Variants in TMEM87B observed in about 807,000 individuals in gnomAD.
The protein encoded by TMEM87B is transmembrane protein 87B.
Under a neutral mutation model 80.3 loss-of-function variants are expected in TMEM87B, and 83 were observed. That is an observed-to-expected ratio of 1.03 (90% confidence interval 0.87 to 1.24). The LOEUF is 1.24. Ranked by LOEUF, TMEM87B falls within the 50% of genes most tolerant of loss-of-function variation. TMEM87B has a pLI of 0.00. For synonymous variants in TMEM87B, 219 were observed against 230.5 expected, an observed-to-expected ratio of 0.95 and a Z score of 0.45; for missense variants, 625 against 674.4, an observed-to-expected ratio of 0.93 and a Z score of 0.81.
In TMEM87B at chr2:112,109,710, G is replaced by A. The variant is rs1251140609; in HGVS notation, c.1577+1870G>A. On this transcript the variant is annotated intron_variant, in intron 17 of 18. Coordinates refer to ENST00000283206, the MANE Select transcript of TMEM87B (RefSeq NM_032824.3). ...TTGTCTATCCTCCTTGGAATTTGTT[G>A]AGCTTCTCAGATCCATGTCCCATGG... is the stretch of plus-strand genomic sequence containing the variant. Among the ~76,000 whole-genome samples the A allele has an allele frequency of 1.4e-4, 10 of 69,414 alleles. No individual in the cohort carries two copies. In the South Asian group the frequency reaches 1.5e-3, roughly 11 times the overall value. 45.5% of individuals were successfully genotyped at this position (69,414 alleles called of 152,430 possible).
At chr2:112,107,712 TTA>T in intron 16 of TMEM87B, 74 bp from the exon 17 acceptor site, 31 of 732,914 alleles carry the variant, frequency 4.2e-5, no homozygotes, top group South Asian at 1.0e-4. Flanking sequence ...AACACTTAAG[TTA>T]TATATATATT....
chr2:112,072,317 C>A (rs1678664390), intron 4 of TMEM87B, among the ~76,000 whole-genome samples: 2 of 152,120 alleles, frequency 1.3e-5, no homozygotes, highest in African/African-American at 4.8e-5. Context: ...AGGAGTCCCT[C>A]CTCCTCAATT....
chr2:112,089,648 A>G lies in TMEM87B; in HGVS notation c.962A>G (p.His321Arg), dbSNP rs764363911. 8.1e-6 allele frequency: 13 copies of G among 1,613,962 alleles called. No homozygotes were observed. The highest frequency in any genetic ancestry group is 1.1e-5 in the Non-Finnish European group (13 of 1,179,984). ...AGGCCTCGTTTAGGAACAGTCATGCACCGGGTGATCGGACTGGGGCTTCTA... is the reference window on the plus strand; with the variant it reads ...AGGCCTCGTTTAGGAACAGTCATGCGCCGGGTGATCGGACTGGGGCTTCTA... ...IVKPRLGTVM[H>R]RVIGLGLLYL... The change falls in exon 10 of 19, where the codon CAC (histidine) becomes CGC (arginine). Residue 321 changes from histidine (H) to arginine (R), a missense_variant. Transcript: ENST00000283206.
intron 17 of TMEM87B, among the ~76,000 whole-genome samples, chr2:112,109,619 A>G (rs1200075970): frequency 2.2e-5 from 2 of 92,144 alleles, no homozygotes; most frequent in Non-Finnish European, 4.6e-5. Flanking sequence ...TTTTTCCTTT[A>G]TATTTGGCTT....
At chr2:112,056,865 A>G (rs1678087405) in intron 1 of TMEM87B, among the ~76,000 whole-genome samples, 1 of 152,140 alleles carries the variant, frequency 6.6e-6, no homozygotes, top group Non-Finnish European at 1.5e-5. Flanking sequence ...CCATTATTTA[A>G]TTTCCTGAAC....
rs1181348333 is a variant in TMEM87B, at chr2:112,055,563, G to C, written c.-29G>C. On this transcript the variant is annotated 5_prime_UTR_variant, in exon 1 of 19. Coordinates refer to ENST00000283206, the MANE Select transcript of TMEM87B (RefSeq NM_032824.3). ...CAGGTGCGGGTGTGGCAGGCGTCTC[G>C]GAGCGCCAGGTGCAGCTTCCTGGTC... The C allele has an allele frequency of 1.4e-6, 2 of 1,468,996 alleles. No individual in the cohort carries two copies. The highest frequency in any genetic ancestry group is 2.7e-5 in the South Asian group (2 of 74,080). The allele number at this position is 1,468,996 out of a possible 1,614,324, so 91.0% of individuals were successfully genotyped here.
chr2:112,078,835 G>T (rs564682243), intron 6 of TMEM87B, among the ~76,000 whole-genome samples: 1 of 152,292 alleles, frequency 6.6e-6, no homozygotes, highest in Non-Finnish European at 1.5e-5. Flanking sequence ...GGAAGATAAG[G>T]TCCCGGTGAG....
chr2:112,080,184 C>A (rs1184834061), intron 6 of TMEM87B, among the ~76,000 whole-genome samples: 1 of 151,956 alleles, frequency 6.6e-6, no homozygotes, highest in Non-Finnish European at 1.5e-5. Flanking sequence ...CCACCTTGGC[C>A]TCCCAAAGTG....
chr2:112,094,650 G>C (rs888056676), intron 11 of TMEM87B, among the ~76,000 whole-genome samples: 1 of 152,102 alleles, frequency 6.6e-6, no homozygotes, highest in Non-Finnish European at 1.5e-5. Context: ...AGTCAGATTG[G>C]GGTAGGAAAA....
At chr2:112,102,703 TAAATAA>T (rs1016126117) in intron 15 of TMEM87B, among the ~76,000 whole-genome samples, 10 of 146,238 alleles carry the variant, frequency 6.8e-5, no homozygotes, top group Non-Finnish European at 1.2e-4. Flanking sequence ...CATAAATAAA[TAAATAA>T]AAATAAAAAT....
chr2:112,055,611 C>G lies in TMEM87B; in HGVS notation c.20C>G (p.Ser7Trp). Residue 7 changes from serine to tryptophan, a missense_variant, in exon 1 of 19, where the codon TCG (serine) becomes TGG (tryptophan). Physicochemically the swap from Ser to Trp is radical, Grantham distance 177 (BLOSUM62 -3). Coordinates refer to ENST00000283206, the MANE Select transcript of TMEM87B (RefSeq NM_032824.3). ...GTCAAGATGGTCGCCGCCTGCCGCT[C>G]GGTAGCCGGGCTCCTGCCACGCCGC... The part of the protein sequence containing the change: MVAACR[S>W]VAGLLPRRRR... 1 of 1,533,132 alleles carries G rather than the reference C, an allele frequency of 6.5e-7. No homozygotes were observed. Among genetic ancestry groups the G allele is most frequent in the Non-Finnish European group, 8.8e-7 (1 of 1,141,934 alleles). 95.0% of individuals were successfully genotyped at this position (1,533,132 alleles called of 1,614,324 possible). A position where few individuals can be genotyped will look rare whatever the true frequency, so the allele number is the denominator to read the frequency against.
intron 4 of TMEM87B, among the ~76,000 whole-genome samples, chr2:112,067,296 G>T (rs1678464913): frequency 6.6e-6 from 1 of 152,190 alleles, no homozygotes; most frequent in African/African-American, 2.4e-5. Context: ...TTGTTTGTGT[G>T]TATAGTAGTA....
intron 15 of TMEM87B, among the ~76,000 whole-genome samples, chr2:112,104,128 T>C (rs1010510820): frequency 6.6e-6 from 1 of 152,222 alleles, no homozygotes; most frequent in Non-Finnish European, 1.5e-5. Context: ...CTTCAACTGT[T>C]ATTCTTCTAG....
At chr2:112,090,276 A>G (rs1679260791) in intron 10 of TMEM87B, among the ~76,000 whole-genome samples, 1 of 152,206 alleles carries the variant, frequency 6.6e-6, no homozygotes, top group Non-Finnish European at 1.5e-5. Context: ...TTTATTCTCT[A>G]GAGAAGTATC....
Position 112,100,696 on chromosome 2 carries a change from G to A in TMEM87B, c.1450+1G>A. 6.3e-7 allele frequency: 1 copy of A among 1,580,258 alleles called. No individual in the cohort carries two copies. The highest frequency in any genetic ancestry group is 8.7e-7 in the Non-Finnish European group (1 of 1,150,658). ...TTCATGGTAACTTCTGAAAATTTAA[G>A]TGAGTAATATGTTTTCTTTTTAAAT... On this transcript the variant is annotated splice_donor_variant, in intron 15 of 18. Coordinates refer to ENST00000283206, the MANE Select transcript of TMEM87B (RefSeq NM_032824.3). LOFTEE classifies it high-confidence loss of function.
At chr2:112,110,768 C>A (rs542827943) in intron 17 of TMEM87B, among the ~76,000 whole-genome samples, 78 of 152,040 alleles carry the variant, frequency 5.1e-4, no homozygotes, top group Non-Finnish European at 9.4e-4. Context: ...TTTTTATTTA[C>A]TACACGATCA....
chr2:112,069,209 A>AAC (rs1678547988), intron 4 of TMEM87B, among the ~76,000 whole-genome samples: 1 of 151,560 alleles, frequency 6.6e-6, no homozygotes, highest in African/African-American at 2.4e-5. Context: ...AAAAAAAAAA[A>AAC]AAAAAAAAAA....
chr2:112,110,446 G>C (rs1309017855), intron 17 of TMEM87B, among the ~76,000 whole-genome samples: 3 of 151,936 alleles, frequency 2.0e-5, no homozygotes, highest in African/African-American at 7.3e-5. Context: ...TTCTTTTTAA[G>C]TTATTGTATT....
intron 8 of TMEM87B, 95 bp from the exon 9 acceptor site, chr2:112,085,910 G>A (rs1158505778): frequency 9.6e-6 from 9 of 933,850 alleles, no homozygotes; most frequent in East Asian, 2.6e-5. Flanking sequence ...TCTGAAGTTC[G>A]AATGTAGTTA....
Sources: allele counts gnomAD v4.1 joint callset (sites outside exome capture counted in the v4.1 genomes callset), GRCh38; gene constraint gnomAD v4.1.1; transcripts MANE v1.5; gene names NCBI Gene and HGNC (gene_info 2026-07-23, HGNC 2026-07-21).